The following ZZZ3 variants were observed in gnomAD, a reference collection of about 807,000 sequenced individuals.
ZZZ3 encodes the protein zinc finger ZZ-type containing 3.
ZZZ3 carries 22 observed loss-of-function variants against 95.2 expected under a neutral mutation model. That is an observed-to-expected ratio of 0.23 (90% CI 0.17 to 0.33). ZZZ3 has a LOEUF of 0.33. Ranked by LOEUF, ZZZ3 falls within the 10% of genes least tolerant of loss-of-function variation. ZZZ3 has a pLI of 1.00. For missense variants in ZZZ3, 885 were observed against 1,066.5 expected (o/e 0.83, Z 2.37); for synonymous variants, 335 against 358.9 (o/e 0.93, Z 0.75).
intron 1 of ZZZ3, among the ~76,000 whole-genome samples, chr1:77,654,184 T>TC (rs1330906941): frequency 5.0e-5 from 3 of 59,844 alleles, no homozygotes; most frequent in African/African-American, 2.3e-4. Context: ...AGACTCCATC[T>TC]CAAAAAAAAA....
Position 77,639,532 on chromosome 1 carries a change from G to A in ZZZ3, c.-135C>T. The A allele has an allele frequency of 7.4e-7, 1 of 1,347,652 alleles. No individual in the cohort carries two copies. The highest frequency in any genetic ancestry group is 9.9e-7 in the Non-Finnish European group (1 of 1,014,956). The allele number at this position is 1,347,652 out of a possible 1,614,324, so 83.5% of individuals were successfully genotyped here. ...GGAGTTGGAGCTATGATCTAGAATG[G>A]AGCTTAAGCATCAGGGTTTCAGACT... On this transcript the variant is annotated 5_prime_UTR_variant, in exon 4 of 15. Transcript: ENST00000370801.
At chr1:77,590,645 C>T (rs1185956060) in intron 5 of ZZZ3, among the ~76,000 whole-genome samples, 1 of 152,172 alleles carries the variant, frequency 6.6e-6, no homozygotes, top group African/African-American at 2.4e-5. Flanking sequence ...GCTAGATCCC[C>T]CCAGGGGGTT....
chr1:77,578,219 T>C (rs751267496), intron 11 of ZZZ3, among the ~76,000 whole-genome samples: 1 of 152,130 alleles, frequency 6.6e-6, no homozygotes, highest in East Asian at 1.9e-4. Context: ...ATTTCAAGAA[T>C]TGTAGAAAGG....
At chr1:77,658,166 G>A (rs868179797) in intron 1 of ZZZ3, among the ~76,000 whole-genome samples, 27 of 124,478 alleles carry the variant, frequency 2.2e-4, no homozygotes, top group Middle Eastern at 0.011. Flanking sequence ...GCGACAGAGC[G>A]AGACTTTGTC....
At chr1:77,612,711 T>C (rs1475496014) in intron 5 of ZZZ3, among the ~76,000 whole-genome samples, 3 of 151,714 alleles carry the variant, frequency 2.0e-5, no homozygotes, top group Non-Finnish European at 4.4e-5. Flanking sequence ...CGTGATCTGG[T>C]CTATATGTGG....
intron 1 of ZZZ3, among the ~76,000 whole-genome samples, chr1:77,647,585 T>C (rs1322876680): frequency 6.6e-6 from 1 of 151,880 alleles, no homozygotes; most frequent in Admixed American, 6.6e-5. Context: ...AACAGTAATA[T>C]AAAATAATAT....
chr1:77,647,311 G>A (rs1669372026), intron 1 of ZZZ3, among the ~76,000 whole-genome samples: 1 of 152,110 alleles, frequency 6.6e-6, no homozygotes, highest in Non-Finnish European at 1.5e-5. Flanking sequence ...TTGAGGCCAG[G>A]GGTTCAAAAC....
At chr1:77,672,983 C>T (rs1401296894) in intron 1 of ZZZ3, among the ~76,000 whole-genome samples, 1 of 152,114 alleles carries the variant, frequency 6.6e-6, no homozygotes, top group Non-Finnish European at 1.5e-5. Flanking sequence ...TTAATTTCCA[C>T]AAAAGCTCAG....
At chr1:77,656,420 A>T (rs560259712) in intron 1 of ZZZ3, among the ~76,000 whole-genome samples, 2 of 152,314 alleles carry the variant, frequency 1.3e-5, no homozygotes, top group East Asian at 3.9e-4. Context: ...AGAATTCTCA[A>T]TGGTTTCTGT....
chr1:77,679,151 T>C (rs1672525873), intron 1 of ZZZ3, among the ~76,000 whole-genome samples: 1 of 152,094 alleles, frequency 6.6e-6, no homozygotes, highest in Non-Finnish European at 1.5e-5. Context: ...GTTTTCAGAG[T>C]ACAATTATAG....
At chr1:77,651,580 G>C (rs1306538140) in intron 1 of ZZZ3, among the ~76,000 whole-genome samples, 2 of 152,174 alleles carry the variant, frequency 1.3e-5, no homozygotes, top group African/African-American at 4.8e-5. Flanking sequence ...CAGGGACTAA[G>C]GGAGGGGGAA....
At chr1:77,578,208 T>C (rs1286185460) in intron 11 of ZZZ3, among the ~76,000 whole-genome samples, 1 of 152,184 alleles carries the variant, frequency 6.6e-6, no homozygotes, top group Admixed American at 6.5e-5. Context: ...AGACTACTTA[T>C]ATTTCAAGAA....
chr1:77,625,875 T>C (rs186935710), intron 5 of ZZZ3, among the ~76,000 whole-genome samples: 5 of 151,010 alleles, frequency 3.3e-5, no homozygotes, highest in South Asian at 2.1e-4. Flanking sequence ...GGCACGTCTG[T>C]AATCCCAGCT....
rs540297864 is a variant in ZZZ3 at position 77,667,082 on chromosome 1, G to T, written c.-403+15503C>A. On this transcript the variant is annotated intron_variant, in intron 1 of 14. Transcript: ENST00000370801. The stretch of plus-strand genomic sequence containing the variant: ...ATTAATCAAAGTCTTCTCTCACTCA[G>T]AAAAAGCATTCTTAGTTTACAATGT... Among the ~76,000 whole-genome samples the T allele has an allele frequency of 1.2e-3, 184 of 152,288 alleles. 2 individuals carry two copies. Among genetic ancestry groups the T allele is most frequent in the African/African-American group, 4.2e-3 (173 of 41,560 alleles).
chr1:77,620,484 TGGAAGGAAGGAAGGAAGGAAGGAA>T (rs67469701), intron 5 of ZZZ3, among the ~76,000 whole-genome samples: 130 of 135,832 alleles, frequency 9.6e-4, no homozygotes, highest in African/African-American at 2.9e-3. Context: ...AACGAAAGAA[TGGAAGGAAGGAAGGAAGGAAGGAA>T]GGAAGGAAGG....
intron 1 of ZZZ3, among the ~76,000 whole-genome samples, chr1:77,677,532 G>A (rs541051083): frequency 4.6e-5 from 7 of 152,188 alleles, no homozygotes; most frequent in South Asian, 2.1e-4. Context: ...ACAACCACTC[G>A]AAAGAGAATA....
intron 5 of ZZZ3, among the ~76,000 whole-genome samples, chr1:77,616,516 T>G (rs548498049): frequency 1.3e-5 from 2 of 152,326 alleles, no homozygotes; most frequent in South Asian, 4.1e-4. Flanking sequence ...GGCTTTTCCT[T>G]ATTAAAAACA....
chr1:77,619,163 C>T (rs1433405191), intron 5 of ZZZ3, among the ~76,000 whole-genome samples: 1 of 152,084 alleles, frequency 6.6e-6, no homozygotes, highest in Non-Finnish European at 1.5e-5. Context: ...AAAATGTTTA[C>T]CTCTTATTCT....
chr1:77,574,163 T>A (rs986414871), intron 12 of ZZZ3, among the ~76,000 whole-genome samples: 1 of 148,094 alleles, frequency 6.8e-6, no homozygotes, highest in Non-Finnish European at 1.5e-5. Flanking sequence ...GATTTATATA[T>A]AGATATATAT....
Sources: gnomAD v4.1 joint callset for allele counts (sites outside exome capture counted in the v4.1 genomes callset) on GRCh38, gnomAD v4.1.1 for gene constraint, MANE v1.5 for transcripts, NCBI Gene and HGNC (gene_info 2026-07-23, HGNC 2026-07-21) for gene names.